Variants in SLC38A2 observed in about 807,000 individuals in gnomAD.
SLC38A2 encodes solute carrier family 38 member 2.
Under a neutral mutation model 61.5 loss-of-function variants are expected in SLC38A2, and 11 were observed. That is an observed-to-expected ratio of 0.18 (90% CI 0.11 to 0.30). The LOEUF (loss-of-function observed/expected upper bound fraction) is 0.30. Among genes scored for constraint, SLC38A2 ranks in the 10% least tolerant of loss-of-function variants. The probability of loss-of-function intolerance (pLI) is 1.00; values close to 1 mark genes in which losing one functional copy is unlikely to be tolerated. For missense variants in SLC38A2, 522 were observed against 600.4 expected (o/e 0.87, Z 1.36); for synonymous variants, 217 against 212.5 (o/e 1.02, Z -0.18).
In SLC38A2 at chr12:46,364,529, A is replaced by T; in HGVS notation, c.733T>A (p.Cys245Ser). ...VVICKKFQVP[C>S]PVEAALIINE... ...ATTATCAAAGCAGCTTCCACAGGAC[A>T]CGGAACCTGAAATTTCTTGCAAATG... The change falls in exon 10 of 16, where the codon TGT (cysteine) becomes AGT (serine). Residue 245 changes from cysteine (C) to serine (S), a missense_variant. This residue lies in a region of SLC38A2 where 309 missense variants were observed against 343.9 expected (regional missense o/e 0.90). Transcript: ENST00000256689. 1 of 1,606,562 alleles carries T rather than the reference A, an allele frequency of 6.2e-7. No homozygotes were observed.
In SLC38A2 at chr12:46,370,872, G is replaced by C. The variant is rs1056409940; in HGVS notation, c.117-15C>G. On this transcript the variant is annotated splice_polypyrimidine_tract_variant and intron_variant, in intron 2 of 15. Transcript: ENST00000256689. ...CTGCATAATGGCTGCAAAAAATATA[G>C]ACATATATAATTGTAAACTGGATTG... 2.5e-6 allele frequency: 4 copies of C among 1,580,970 alleles called. No homozygotes were observed. The highest frequency in any genetic ancestry group is 3.5e-6 in the Non-Finnish European group (4 of 1,158,886).
chr12:46,370,479 T>C, intron 4 of SLC38A2, 33 bp downstream of exon 4: 2 of 1,502,760 alleles, frequency 1.3e-6, no homozygotes, highest in South Asian at 2.3e-5. Context: ...GTAACTGCCC[T>C]GCATGGCAGA....
At chr12:46,363,294 T>G in intron 12 of SLC38A2, 149 bp from the exon 13 acceptor site, 1 of 1,012,558 alleles carries the variant, frequency 9.9e-7, no homozygotes, top group Non-Finnish European at 1.4e-6. Flanking sequence ...GAATTATAGT[T>G]AATGCAATTA....
rs1943207498 is a variant in SLC38A2, at chr12:46,371,927, C to T, written c.-86-548G>A. ...ACTCCTCTCTCGAGGGGGGCGAACG[C>T]CCGGGCCCCGGGAGCTGGGGGTTTG... On this transcript the variant is annotated intron_variant, in intron 1 of 15. Transcript: ENST00000256689. Among the ~76,000 whole-genome samples the T allele has an allele frequency of 2.0e-5, 3 of 152,220 alleles. No individual in the cohort carries two copies. The South Asian group carries it at 6.2e-4, about 31-fold the overall frequency.
chr12:46,365,296 CA>C (rs940808206), intron 7 of SLC38A2, 107 bp from the exon 8 acceptor site: 3 of 903,560 alleles, frequency 3.3e-6, no homozygotes, highest in Non-Finnish European at 5.3e-6. Context: ...AACAAACACA[CA>C]AAAAAGACAT....
At position 46,364,525 on chromosome 12, in the gene SLC38A2, G is replaced by C; in HGVS notation, c.737C>G (p.Pro246Arg). Residue 246 changes from proline to arginine, a missense_variant, in exon 10 of 16, where the codon CCT (proline) becomes CGT (arginine). Around this residue, in one of 3 missense-constraint regions of SLC38A2, gnomAD observed 309 missense variants for 343.9 expected, o/e 0.90. Transcript: ENST00000256689. ...VICKKFQVPC[P>R]VEAALIINET... ...GTTAATTATCAAAGCAGCTTCCACA[G>C]GACACGGAACCTGAAATTTCTTGCA... 6.2e-7 allele frequency: 1 copy of C among 1,608,502 alleles called. No homozygotes were observed. Among genetic ancestry groups the C allele is most frequent in the Non-Finnish European group, 8.5e-7 (1 of 1,178,140 alleles).
Position 46,362,293 on chromosome 12 carries a change from T to C in SLC38A2, c.1413A>G (p.Gln471=). The change falls in exon 15 of 16, where the codon CAA becomes CAG. Residue 471 remains glutamine, a synonymous_variant. Transcript: ENST00000256689. The part of the protein sequence containing the change: ...LVKKEPMKSV[Q]KIGALFFLLS... ...ATAATCTTTCACTCACCCCAATCTTTTGTACAGATTTCATAGGTTCTTTCT... is the reference window on the plus strand; with the variant it reads ...ATAATCTTTCACTCACCCCAATCTTCTGTACAGATTTCATAGGTTCTTTCT... 6.2e-7 allele frequency: 1 copy of C among 1,607,266 alleles called. No individual in the cohort carries two copies. The highest frequency in any genetic ancestry group is 2.2e-5 in the East Asian group (1 of 44,758).
Position 46,361,000 on chromosome 12 carries a change from T to C in SLC38A2, c.*111A>G. ...TGCACTCAGAAGAACCAGCGAGGAA[T>C]CTGCACTTCAAAAGGAAGTGAAACT... On this transcript the variant is annotated 3_prime_UTR_variant, in exon 16 of 16. Transcript: ENST00000256689. The C allele has an allele frequency of 1.3e-6, 1 of 777,196 alleles. No homozygotes were observed. Among genetic ancestry groups the C allele is most frequent in the Non-Finnish European group, 2.1e-6 (1 of 476,270 alleles). 48.1% of individuals were successfully genotyped at this position (777,196 alleles called of 1,614,324 possible).
intron 1 of SLC38A2, among the ~76,000 whole-genome samples, chr12:46,371,786 T>G (rs1180950209): frequency 6.6e-6 from 1 of 152,238 alleles, no homozygotes; most frequent in Non-Finnish European, 1.5e-5. Context: ...GCTTTCCGTT[T>G]CTAGCATTTG....
chr12:46,362,632 T>A lies in SLC38A2; in HGVS notation c.1186A>T (p.Ser396Cys), dbSNP rs1943094036. The change falls in exon 14 of 16, where the codon AGT becomes TGT. Residue 396 changes from serine to cysteine, a missense_variant. This residue lies in a region of SLC38A2 where 309 missense variants were observed against 343.9 expected (regional missense o/e 0.90). Coordinates refer to ENST00000256689, the MANE Select transcript of SLC38A2 (RefSeq NM_018976.5). ...GCACACAACAAGTGAGTTACAGAAC[T>A]CCGGATCTGCAAAAAAAATAAATAA... ...TVPVVIFPIR[S>C]SVTHLLCASK... 1 of 1,561,154 alleles carries A rather than the reference T, an allele frequency of 6.4e-7. No individual in the cohort carries two copies. Among genetic ancestry groups the A allele is most frequent in the Non-Finnish European group, 8.6e-7 (1 of 1,166,692 alleles).
chr12:46,362,132 T>C (rs1382225845), intron 15 of SLC38A2, 152 bp downstream of exon 15: 2 of 595,704 alleles, frequency 3.4e-6, no homozygotes, highest in African/African-American at 3.8e-5. Flanking sequence ...CCCTCTGCAA[T>C]CTTCCATCTG....
chr12:46,362,233 G>A, intron 15 of SLC38A2, 51 bp downstream of exon 15: 1 of 1,393,016 alleles, frequency 7.2e-7, no homozygotes, highest in Non-Finnish European at 9.8e-7. Context: ...AAATCAGTTG[G>A]GGAAATTTAT....
At chr12:46,363,318 G>T (rs900080755) in intron 12 of SLC38A2, among the ~76,000 whole-genome samples, 173 bp from the exon 13 acceptor site, 1 of 152,020 alleles carries the variant, frequency 6.6e-6, no homozygotes, top group African/African-American at 2.4e-5. Context: ...TAACATTGAA[G>T]GAAAATTTTT....
chr12:46,359,379 G>A lies in SLC38A2; in HGVS notation c.*1732C>T, dbSNP rs1943057367. The A allele has an allele frequency of 6.6e-6, 1 of 152,622 alleles. No individual in the cohort carries two copies. The allele number at this position is 152,622 out of a possible 1,614,324, so 9.5% of individuals were successfully genotyped here. ...GGTTTCACCCAATGTAGCACTACAA[G>A]ACGTCTTCCAGTTCCATAAGGGTCT... On this transcript the variant is annotated 3_prime_UTR_variant, in exon 16 of 16. Transcript: ENST00000256689.
At chr12:46,365,508 T>C (rs1483513422) in intron 7 of SLC38A2, among the ~76,000 whole-genome samples, 1 of 152,136 alleles carries the variant, frequency 6.6e-6, no homozygotes. Context: ...AAAGCTTGTT[T>C]GTTAAGCCAG....
rs1197515603 is a variant in SLC38A2, at chr12:46,363,745, A to G, written c.1035T>C (p.Phe345=). 6.3e-7 allele frequency: 1 copy of G among 1,578,502 alleles called. No individual in the cohort carries two copies. The highest frequency in any genetic ancestry group is 1.2e-5 in the South Asian group (1 of 84,118). Residue 345 remains phenylalanine (F), a synonymous_variant, in exon 12 of 16, where the codon TTT becomes TTC. Coordinates refer to ENST00000256689, the MANE Select transcript of SLC38A2 (RefSeq NM_018976.5). ...ACTTACCGTAAAATGTTAGGTATCCAAAGAGGGCGGCAAGCAGATACATGA... is the reference window on the plus strand; with the variant it reads ...ACTTACCGTAAAATGTTAGGTATCCGAAGAGGGCGGCAAGCAGATACATGA... The part of the protein sequence containing the change: ...MFLMYLLAAL[F]GYLTFYEHVE...
At position 46,359,059 on chromosome 12, in the gene SLC38A2, T is replaced by C. The variant is rs1348172669; in HGVS notation, c.*2052A>G. ...GAGAAAAGAATTTTTTTTCCATTCC[T>C]TCCTGGTTGCCACAGTATCTTCTCC... On this transcript the variant is annotated 3_prime_UTR_variant, in exon 16 of 16. Coordinates refer to ENST00000256689, the MANE Select transcript of SLC38A2 (RefSeq NM_018976.5). The C allele has an allele frequency of 6.7e-6, 1 of 149,884 alleles. No homozygotes were observed. Among genetic ancestry groups the C allele is most frequent in the Non-Finnish European group, 1.5e-5 (1 of 67,796 alleles). The allele number at this position is 149,884 out of a possible 1,614,324, so 9.3% of individuals were successfully genotyped here.
chr12:46,370,508 T>G lies in SLC38A2; in HGVS notation c.314+4A>C. ...TGGCAGACTCACTACTTACACATAC[T>G]TACATAAAAAGAGCAATTCCAGTAT... On this transcript the variant is annotated splice_donor_region_variant and intron_variant, in intron 4 of 15. Transcript: ENST00000256689. 6.2e-7 allele frequency: 1 copy of G among 1,606,070 alleles called. No homozygotes were observed. The highest frequency in any genetic ancestry group is 8.5e-7 in the Non-Finnish European group (1 of 1,172,670).
rs377700364 is a variant in SLC38A2, at chr12:46,371,391, G to C, written c.-86-12C>G. On this transcript the variant is annotated splice_polypyrimidine_tract_variant and intron_variant, in intron 1 of 15. Coordinates refer to ENST00000256689, the MANE Select transcript of SLC38A2 (RefSeq NM_018976.5). ...GCCCGCGAGTCGGCCTGCGAAAGTAGAGGCGGCGCGTCAGGACCGCAGCGC... is the reference window on the plus strand; with the variant it reads ...GCCCGCGAGTCGGCCTGCGAAAGTACAGGCGGCGCGTCAGGACCGCAGCGC... The C allele has an allele frequency of 1.0e-6, 1 of 957,390 alleles. No homozygotes were observed. Among genetic ancestry groups the C allele is most frequent in the East Asian group, 2.4e-5 (1 of 40,952 alleles). 59.3% of individuals were successfully genotyped at this position (957,390 alleles called of 1,614,324 possible). A position where few individuals can be genotyped will look rare whatever the true frequency, so the allele number is the denominator to read the frequency against.
Sources: allele counts gnomAD v4.1 joint callset (sites outside exome capture counted in the v4.1 genomes callset), GRCh38; gene constraint gnomAD v4.1.1; regional missense constraint gnomAD v4.1.1; transcripts MANE v1.5; gene names NCBI Gene and HGNC (gene_info 2026-07-23, HGNC 2026-07-21).